Variants in PPP2CA observed in about 807,000 individuals in gnomAD.
PPP2CA encodes protein phosphatase 2 catalytic subunit alpha, also known as serine/threonine-protein phosphatase 2A catalytic subunit alpha isoform.
In PPP2CA, 5 loss-of-function variants were observed where a neutral mutation model predicts 38.8. That is an observed-to-expected ratio of 0.13 (90% CI 0.07 to 0.27). PPP2CA has a LOEUF of 0.27. Ranked by LOEUF, PPP2CA falls within the 10% of genes least tolerant of loss-of-function variation. The pLI is 1.00. For missense variants in PPP2CA, 88 were observed against 389.7 expected (o/e 0.23, Z 6.52); for synonymous variants, 152 against 134.0 (o/e 1.13, Z -0.93).
chr5:134,202,975 A>C (rs1191568978), intron 2 of PPP2CA, among the ~76,000 whole-genome samples: 1 of 152,192 alleles, frequency 6.6e-6, no homozygotes, highest in African/African-American at 2.4e-5. Context: ...ATTACAATTG[A>C]TATCAAGCAT....
chr5:134,219,998 G>A (rs1326541887), intron 1 of PPP2CA, among the ~76,000 whole-genome samples: 11 of 129,308 alleles, frequency 8.5e-5, no homozygotes, highest in African/African-American at 2.4e-4. Context: ...GCAACAGAGC[G>A]AGGCTCCGTA....
chr5:134,222,304 A>C (rs529082449), intron 1 of PPP2CA, among the ~76,000 whole-genome samples: 1 of 152,286 alleles, frequency 6.6e-6, no homozygotes, highest in Admixed American at 6.5e-5. Flanking sequence ...AAATGAGCCA[A>C]ACACCCTTTA....
chr5:134,214,539 A>G (rs1762277235), intron 1 of PPP2CA, among the ~76,000 whole-genome samples: 1 of 152,200 alleles, frequency 6.6e-6, no homozygotes, highest in Admixed American at 6.5e-5. Context: ...GAATATACTC[A>G]TTCTCAGCTA....
At chr5:134,201,770 G>A in intron 3 of PPP2CA, 78 bp downstream of exon 3, 7 of 1,448,814 alleles carry the variant, frequency 4.8e-6, no homozygotes, top group Middle Eastern at 1.7e-4. Context: ...GTTAAGAGTG[G>A]AAAGAGTCAT....
chr5:134,203,744 T>G (rs1193888777), intron 2 of PPP2CA, among the ~76,000 whole-genome samples: 1 of 152,168 alleles, frequency 6.6e-6, no homozygotes, highest in South Asian at 2.1e-4. Context: ...TCCCCCCAGA[T>G]AGGATCTCAC....
intron 1 of PPP2CA, among the ~76,000 whole-genome samples, chr5:134,214,357 T>A (rs879276589): frequency 1.3e-5 from 2 of 152,242 alleles, no homozygotes; most frequent in Non-Finnish European, 2.9e-5. Flanking sequence ...TAAAACTACA[T>A]AATGCCCTTC....
intron 1 of PPP2CA, among the ~76,000 whole-genome samples, chr5:134,214,362 C>T (rs1177708607): frequency 6.6e-6 from 1 of 152,146 alleles, no homozygotes; most frequent in Non-Finnish European, 1.5e-5. Flanking sequence ...CTACATAATG[C>T]CCTTCTAAAT....
chr5:134,204,893 A>C (rs1278379383), intron 2 of PPP2CA, among the ~76,000 whole-genome samples: 1 of 151,756 alleles, frequency 6.6e-6, no homozygotes, highest in Non-Finnish European at 1.5e-5. Flanking sequence ...GTTTTCTTGA[A>C]TTTCTCAGAA....
Position 134,197,409 on chromosome 5 carries a change from A to G in PPP2CA, c.*363T>C, listed in dbSNP as rs1283746345. The G allele has an allele frequency of 5.2e-6, 1 of 193,452 alleles. No homozygotes were observed. The highest frequency in any genetic ancestry group is 2.3e-5 in the African/African-American group (1 of 43,368). The allele number at this position is 193,452 out of a possible 1,614,324, so 12.0% of individuals were successfully genotyped here. A position where few individuals can be genotyped will look rare whatever the true frequency, so the allele number is the denominator to read the frequency against. On this transcript the variant is annotated 3_prime_UTR_variant, in exon 7 of 7. Coordinates refer to ENST00000481195, the MANE Select transcript of PPP2CA (RefSeq NM_002715.4). ...TTTGCTGCTATCCTTATCTACAGTCATGCTGAGTAAAGCTATAGCTAAATG... is the reference window on the plus strand; with the variant it reads ...TTTGCTGCTATCCTTATCTACAGTCGTGCTGAGTAAAGCTATAGCTAAATG...
intron 1 of PPP2CA, among the ~76,000 whole-genome samples, chr5:134,208,244 T>C (rs1009437155): frequency 1.3e-5 from 2 of 152,212 alleles, no homozygotes; most frequent in African/African-American, 2.4e-5. Context: ...GCAAAGCTAT[T>C]CTCTGTATTA....
At chr5:134,211,641 T>A (rs1431415618) in intron 1 of PPP2CA, among the ~76,000 whole-genome samples, 1 of 3,430 alleles carries the variant, frequency 2.9e-4, no homozygotes, top group Non-Finnish European at 1.2e-3. Context: ...TCCCAGCTAA[T>A]TTTTTTTTTT....
chr5:134,194,690 A>T lies in PPP2CA; in HGVS notation c.*3082T>A, dbSNP rs1761808722. On this transcript the variant is annotated 3_prime_UTR_variant, in exon 7 of 7. Coordinates refer to ENST00000481195, the MANE Select transcript of PPP2CA (RefSeq NM_002715.4). ...AATGGCACGATCTGGGCTCACTGTA[A>T]CCTCCTCCTCCTGAGTTCAAGTGAT... is the stretch of plus-strand genomic sequence containing the variant. 1 of 152,086 alleles carries T rather than the reference A, an allele frequency of 6.6e-6. No individual in the cohort carries two copies. The highest frequency in any genetic ancestry group is 1.5e-5 in the Non-Finnish European group (1 of 68,086). 9.4% of individuals were successfully genotyped at this position (152,086 alleles called of 1,614,324 possible).
intron 2 of PPP2CA, among the ~76,000 whole-genome samples, chr5:134,204,379 A>G (rs7705319): frequency 0.77 from 117,697 of 152,222 alleles, 45,967 homozygotes; most frequent in Non-Finnish European, 0.82. Context: ...GATCATCATC[A>G]GTACACTTTG....
At chr5:134,222,807 T>C (rs1762473221) in intron 1 of PPP2CA, among the ~76,000 whole-genome samples, 1 of 152,252 alleles carries the variant, frequency 6.6e-6, no homozygotes, top group Non-Finnish European at 1.5e-5. Context: ...CAACAAATTA[T>C]GATTCTCAAG....
chr5:134,216,352 C>T (rs978242540), intron 1 of PPP2CA, among the ~76,000 whole-genome samples: 2 of 151,578 alleles, frequency 1.3e-5, no homozygotes, highest in African/African-American at 4.9e-5. Context: ...GCCTGGGCAA[C>T]ATGGCGAAAC....
At chr5:134,225,263 C>CG (rs1157377984) in intron 1 of PPP2CA, among the ~76,000 whole-genome samples, 1 of 152,170 alleles carries the variant, frequency 6.6e-6, no homozygotes, top group Non-Finnish European at 1.5e-5. Flanking sequence ...CCAAGGGGTA[C>CG]TAAAGCTGTG....
At chr5:134,198,476 A>G (rs184831695) in intron 6 of PPP2CA, among the ~76,000 whole-genome samples, 42 of 152,334 alleles carry the variant, frequency 2.8e-4, no homozygotes, top group African/African-American at 7.7e-4. Flanking sequence ...TCTATATATA[A>G]TAAGTTCCTG....
At chr5:134,224,408 C>A in intron 1 of PPP2CA, 1 of 402,714 alleles carries the variant, frequency 2.5e-6, no homozygotes. Flanking sequence ...TACTTAAATT[C>A]CAATTGTTCA....
intron 2 of PPP2CA, 103 bp downstream of exon 2, chr5:134,205,819 T>C: frequency 9.9e-7 from 1 of 1,007,768 alleles, no homozygotes; most frequent in South Asian, 1.5e-5. Context: ...AAATGTGGAA[T>C]TTTGTTTTAA....
Sources: gnomAD v4.1 joint callset for allele counts (sites outside exome capture counted in the v4.1 genomes callset) on GRCh38, gnomAD v4.1.1 for gene constraint, MANE v1.5 for transcripts, NCBI Gene and HGNC (gene_info 2026-07-23, HGNC 2026-07-21) for gene names.